Variants in ASIC2 observed in about 807,000 individuals in gnomAD.
ASIC2 encodes the protein acid-sensing ion channel 2.
Under a neutral mutation model 57.3 loss-of-function variants are expected in ASIC2, and 25 were observed. The ratio of observed to expected loss-of-function variants is 0.44; its 90% CI spans 0.32 to 0.61. ASIC2 has a LOEUF of 0.61. Among genes scored for constraint, ASIC2 ranks in the 20% least tolerant of loss-of-function variants. The probability of loss-of-function intolerance (pLI) is 0.06; values close to 1 mark genes in which losing one functional copy is unlikely to be tolerated. For missense variants in ASIC2, 641 were observed against 738.1 expected (o/e 0.87, Z 1.52); for synonymous variants, 319 against 307.5 (o/e 1.04, Z -0.39).
intron 1 of ASIC2, among the ~76,000 whole-genome samples, chr17:33,311,428 CTGTGTG>C (rs34323667): frequency 1.5e-4 from 22 of 148,080 alleles, no homozygotes; most frequent in Admixed American, 3.4e-4. Context: ...GTCTGTCTAT[CTGTGTG>C]TGTGTGTGTG....
intron 1 of ASIC2, among the ~76,000 whole-genome samples, chr17:33,451,525 C>T (rs1441954190): frequency 2.6e-5 from 4 of 152,150 alleles, no homozygotes; most frequent in East Asian, 1.9e-4. Context: ...TGCCAGACAC[C>T]GGAAGTTGTT....
intron 1 of ASIC2, among the ~76,000 whole-genome samples, chr17:33,587,199 T>C (rs997877314): frequency 1.3e-5 from 2 of 152,222 alleles, no homozygotes; most frequent in African/African-American, 4.8e-5. Context: ...AGAGATCATA[T>C]AGCCTGCAAT....
chr17:33,529,415 G>A (rs1914982404), intron 1 of ASIC2, among the ~76,000 whole-genome samples: 1 of 152,208 alleles, frequency 6.6e-6, no homozygotes, highest in Non-Finnish European at 1.5e-5. Context: ...CCCTGGGCCA[G>A]CGGCATCAGC....
At chr17:33,762,656 C>T (rs1015097304) in intron 1 of ASIC2, among the ~76,000 whole-genome samples, 2 of 152,186 alleles carry the variant, frequency 1.3e-5, no homozygotes, top group Admixed American at 6.5e-5. Context: ...TGGCCATAGC[C>T]GTTGCACAGC....
chr17:33,703,611 C>T (rs1031582185), intron 1 of ASIC2, among the ~76,000 whole-genome samples: 1 of 152,096 alleles, frequency 6.6e-6, no homozygotes, highest in Non-Finnish European at 1.5e-5. Flanking sequence ...CTTTGGCCTC[C>T]CAAAGTACTG....
intron 1 of ASIC2, among the ~76,000 whole-genome samples, chr17:34,016,478 T>C (rs1906985507): frequency 6.9e-6 from 1 of 144,504 alleles, no homozygotes; most frequent in Non-Finnish European, 1.5e-5. Flanking sequence ...CATGAATCCA[T>C]CTTTACAGCG....
At chr17:33,849,359 G>A (rs1305980515) in intron 1 of ASIC2, among the ~76,000 whole-genome samples, 2 of 152,156 alleles carry the variant, frequency 1.3e-5, no homozygotes, top group Non-Finnish European at 2.9e-5. Context: ...GCCTCACCAG[G>A]GCCCTAAGAG....
chr17:33,367,264 G>A (rs1908848019), intron 1 of ASIC2, among the ~76,000 whole-genome samples: 1 of 152,254 alleles, frequency 6.6e-6, no homozygotes, highest in African/African-American at 2.4e-5. Context: ...AGGCCTAGAA[G>A]AGGCACAGAG....
chr17:33,085,653 G>A (rs986105511), intron 3 of ASIC2, among the ~76,000 whole-genome samples: 7 of 152,218 alleles, frequency 4.6e-5, no homozygotes, highest in Admixed American at 2.6e-4. Context: ...AATATTTGCT[G>A]TATGAATAAA....
At chr17:33,510,368 G>A (rs186610765) in intron 1 of ASIC2, among the ~76,000 whole-genome samples, 3 of 152,224 alleles carry the variant, frequency 2.0e-5, no homozygotes, top group East Asian at 3.9e-4. Flanking sequence ...AAAGCAGAGG[G>A]TAGCCTGGCA....
rs574938988 is a variant in ASIC2, at chr17:33,637,977, T to C, written c.555+518001A>G. On this transcript the variant is annotated intron_variant, in intron 1 of 9. Transcript: ENST00000359872. ...AATCAAGGGGTATGGAAAATGGTTC[T>C]TGTGTACAGAGTCTGCCTCTGGGTG... is the stretch of plus-strand genomic sequence containing the variant. Among the ~76,000 whole-genome samples, 9 of 152,258 alleles carry C rather than the reference T, an allele frequency of 5.9e-5. 3 individuals are homozygous for C. The highest frequency in any genetic ancestry group is 2.2e-4 in the African/African-American group (9 of 41,556).
Position 33,076,668 on chromosome 17 carries a change from A to G in ASIC2, c.987+12195T>C, listed in dbSNP as rs60667078. On this transcript the variant is annotated intron_variant, in intron 3 of 9. Coordinates refer to ENST00000225823, the MANE Select transcript of ASIC2 (RefSeq NM_183377.2). The stretch of plus-strand genomic sequence containing the variant: ...TGTGGGTATTTTTAATACAAACGGG[A>G]CCACCTTGTATGTATTGTTCCGCAA... 3.1e-3 allele frequency among the ~76,000 whole-genome samples: 466 copies of G among 152,266 alleles called. 14 individuals carry two copies. In the East Asian group the frequency reaches 0.079, roughly 26 times the overall value.
chr17:33,896,813 T>C (rs1173245120), intron 1 of ASIC2, among the ~76,000 whole-genome samples: 1 of 152,250 alleles, frequency 6.6e-6, no homozygotes, highest in Non-Finnish European at 1.5e-5. Context: ...CAGGGTCCCA[T>C]GTCCCCAGCT....
intron 1 of ASIC2, among the ~76,000 whole-genome samples, chr17:34,120,987 G>A (rs1177057960): frequency 6.6e-6 from 1 of 151,912 alleles, no homozygotes; most frequent in East Asian, 1.9e-4. Flanking sequence ...TGATCCACCC[G>A]CCTCAGCCTC....
chr17:33,244,747 G>C (rs1368583796), intron 1 of ASIC2, among the ~76,000 whole-genome samples: 1 of 152,206 alleles, frequency 6.6e-6, no homozygotes, highest in African/African-American at 2.4e-5. Flanking sequence ...TCAGCATTGA[G>C]GACAAGGCGT....
intron 1 of ASIC2, among the ~76,000 whole-genome samples, chr17:33,239,442 A>G (rs1908423311): frequency 6.6e-6 from 1 of 152,110 alleles, no homozygotes; most frequent in Admixed American, 6.5e-5. Context: ...TGTTTCACTT[A>G]TATATTTGTT....
At chr17:33,314,141 G>T (rs1241988730) in intron 1 of ASIC2, among the ~76,000 whole-genome samples, 2 of 152,148 alleles carry the variant, frequency 1.3e-5, no homozygotes, top group East Asian at 3.9e-4. Context: ...TTTGTTATCT[G>T]TCAGGACCTT....
chr17:33,939,174 GT>G (rs1359860080), intron 1 of ASIC2, among the ~76,000 whole-genome samples: 1 of 152,204 alleles, frequency 6.6e-6, no homozygotes, highest in Non-Finnish European at 1.5e-5. Flanking sequence ...TCACAAGATA[GT>G]AAAACTATAA....
intron 1 of ASIC2, among the ~76,000 whole-genome samples, chr17:33,424,509 T>A (rs1911150599): frequency 6.6e-6 from 1 of 152,226 alleles, no homozygotes; most frequent in Admixed American, 6.5e-5. Context: ...GCCCCAGCTC[T>A]GGCTCTGTGA....
Sources: gnomAD v4.1 joint callset for allele counts (sites outside exome capture counted in the v4.1 genomes callset) on GRCh38, gnomAD v4.1.1 for gene constraint, MANE v1.5 for transcripts, NCBI Gene and HGNC (gene_info 2026-07-23, HGNC 2026-07-21) for gene names.